RREB1: variants seen among roughly 807,000 people sequenced by gnomAD.
RREB1 encodes ras responsive element binding protein 1.
Under a neutral mutation model 117.8 loss-of-function variants are expected in RREB1, and 27 were observed. The ratio of observed to expected loss-of-function variants is 0.23; its 90% CI spans 0.17 to 0.32. The LOEUF (loss-of-function observed/expected upper bound fraction) is 0.32. RREB1 is among the 10% of genes least tolerant of loss of function. The pLI is 1.00. For synonymous variants in RREB1, 1,298 were observed against 1,026.7 expected, an observed-to-expected ratio of 1.26 and a Z score of -5.05; for missense variants, 2,577 against 2,378.2, an observed-to-expected ratio of 1.08 and a Z score of -1.74.
intron 8 of RREB1, 133 bp from the exon 9 acceptor site, chr6:7,226,334 C>G: frequency 1.5e-6 from 1 of 647,298 alleles, no homozygotes; most frequent in South Asian, 2.4e-5. Context: ...TTCTTGACAT[C>G]ATATCATTTT....
intron 1 of RREB1, among the ~76,000 whole-genome samples, chr6:7,120,177 G>T (rs371878457): frequency 6.6e-6 from 1 of 151,486 alleles, no homozygotes; most frequent in East Asian, 2.0e-4. Context: ...TAGGCCGGGC[G>T]TGGTGGCTCA....
At chr6:7,235,026 A>G (rs1441011427) in intron 10 of RREB1, among the ~76,000 whole-genome samples, 1 of 152,222 alleles carries the variant, frequency 6.6e-6, no homozygotes, top group African/African-American at 2.4e-5. Context: ...TCAGAATGTT[A>G]TTAGCTAATT....
chr6:7,121,043 C>G (rs574832829), intron 1 of RREB1, among the ~76,000 whole-genome samples: 4 of 151,978 alleles, frequency 2.6e-5, no homozygotes, highest in East Asian at 1.9e-4. Flanking sequence ...AGGCTGGTCT[C>G]GAAGTCCCAA....
Position 7,210,779 on chromosome 6 carries a change from TTG to T in RREB1, c.426-15_426-14del, listed in dbSNP as rs751722674. The T allele has an allele frequency of 6.9e-6, 11 of 1,589,302 alleles. No homozygotes were observed. In the South Asian group the frequency reaches 7.9e-5, roughly 11 times the overall value. On this transcript the variant is annotated intron_variant, in intron 6 of 12. Coordinates refer to ENST00000379938, the MANE Select transcript of RREB1 (RefSeq NM_001003699.4). ...GAACTGACTTCTTTGTTAGATCACA[TTG>T]TGTGTGTGTTTGTTCTTTTCAGACA...
chr6:7,179,857 C>T (rs1283040063), intron 2 of RREB1, among the ~76,000 whole-genome samples: 3 of 151,444 alleles, frequency 2.0e-5, no homozygotes, highest in African/African-American at 7.3e-5. Context: ...TGCTGTGTTG[C>T]CTAGGCTGGT....
At chr6:7,228,779 A>G (rs535192942) in intron 9 of RREB1, among the ~76,000 whole-genome samples, 1 of 152,006 alleles carries the variant, frequency 6.6e-6, no homozygotes, top group Non-Finnish European at 1.5e-5. Flanking sequence ...AGTAGCTGGG[A>G]CTAGAGGCAT....
intron 12 of RREB1, 85 bp downstream of exon 12, chr6:7,247,306 G>A: frequency 8.1e-7 from 1 of 1,233,674 alleles, no homozygotes; most frequent in South Asian, 1.5e-5. Context: ...AGCGGCGCTG[G>A]AGGCCACCGA....
chr6:7,131,974 T>G (rs1334176209), intron 1 of RREB1, among the ~76,000 whole-genome samples: 1 of 152,092 alleles, frequency 6.6e-6, no homozygotes, highest in African/African-American at 2.4e-5. Flanking sequence ...TTGTCGTGCC[T>G]CAGCCTCCCA....
intron 10 of RREB1, among the ~76,000 whole-genome samples, chr6:7,236,900 T>TTG (rs1321092168): frequency 7.3e-6 from 1 of 137,340 alleles, no homozygotes; most frequent in Non-Finnish European, 1.6e-5. Context: ...TTTTTTTTTT[T>TTG]TTTTTTTTTT....
At chr6:7,146,796 G>C (rs1762885254) in intron 1 of RREB1, among the ~76,000 whole-genome samples, 1 of 151,400 alleles carries the variant, frequency 6.6e-6, no homozygotes, top group Non-Finnish European at 1.5e-5. Context: ...AGGAGGTGGT[G>C]GGGGAGGGAG....
In RREB1 at chr6:7,188,226, CGTGTGTGTGT is replaced by C. The variant is rs149501678; in HGVS notation, c.261+721_261+730del. On this transcript the variant is annotated intron_variant, in intron 5 of 12. Coordinates refer to ENST00000379938, the MANE Select transcript of RREB1 (RefSeq NM_001003699.4). ...TAAAATAGAATCGCTCCCCCCCACA[CGTGTGTGTGT>C]GTGTGTGTGTGTGTGTGCGCGCGCG... Among the ~76,000 whole-genome samples the C allele has an allele frequency of 1.4e-3, 210 of 149,398 alleles. 1 individual carries two copies. The highest frequency in any genetic ancestry group is 4.9e-3 in the African/African-American group (197 of 40,548).
intron 10 of RREB1, among the ~76,000 whole-genome samples, chr6:7,239,155 C>T (rs188776640): frequency 7.2e-5 from 11 of 152,238 alleles, no homozygotes; most frequent in African/African-American, 1.4e-4. Flanking sequence ...ATTAATCTAA[C>T]GCCAGAGGCC....
chr6:7,174,490 GAAATA>G (rs533044767), intron 1 of RREB1, among the ~76,000 whole-genome samples: 200 of 152,144 alleles, frequency 1.3e-3, no homozygotes, highest in Middle Eastern at 3.4e-3. Context: ...AAAATGAAGG[GAAATA>G]AAATAAAATG....
rs1768775611 is a variant in RREB1 at position 7,242,644 on chromosome 6, C to CG, written c.3973+2042_3973+2043insG. On this transcript the variant is annotated intron_variant, in intron 11 of 12. Transcript: ENST00000379938. ...GGGGTGAAGCCTTCATTCTGGGTTC[C>CG]CCCCCCCCAGTGAAGTTTAAAAAGT... 3.3e-5 allele frequency among the ~76,000 whole-genome samples: 5 copies of CG among 150,276 alleles called. No individual in the cohort carries two copies. The South Asian group carries it at 6.4e-4, about 19-fold the overall frequency.
At chr6:7,110,474 G>A (rs1032647621) in intron 1 of RREB1, among the ~76,000 whole-genome samples, 1 of 149,926 alleles carries the variant, frequency 6.7e-6, no homozygotes, top group African/African-American at 2.5e-5. Flanking sequence ...ACTAATTTTA[G>A]GGGTGGTGTG....
intron 6 of RREB1, among the ~76,000 whole-genome samples, chr6:7,208,218 A>G (rs1172378980): frequency 6.6e-6 from 1 of 152,186 alleles, no homozygotes; most frequent in African/African-American, 2.4e-5. Flanking sequence ...CCACAGCTTG[A>G]GGGAAGGGGT....
At chr6:7,186,382 C>T (rs1469133542) in intron 4 of RREB1, among the ~76,000 whole-genome samples, 1 of 152,234 alleles carries the variant, frequency 6.6e-6, no homozygotes, top group Non-Finnish European at 1.5e-5. Flanking sequence ...TGGGGTTCTA[C>T]TCCCCCAACC....
chr6:7,144,355 T>C (rs1243091759), intron 1 of RREB1, among the ~76,000 whole-genome samples: 1 of 152,212 alleles, frequency 6.6e-6, no homozygotes, highest in East Asian at 1.9e-4. Flanking sequence ...TCAACTATAT[T>C]ATAATGTGAA....
In RREB1 at chr6:7,246,897, G is replaced by A. The variant is rs1236263326; in HGVS notation, c.4447G>A (p.Ala1483Thr). ...GCCCAAGGACGAGAAGGGAGATGGC[G>A]CCAGCACTGCAGAGGAGGGGCCCCA... Reference protein sequence around the residue: ...QEPKDEKGDGASTAEEGPQPA... With the variant: ...QEPKDEKGDGTSTAEEGPQPA... The change falls in exon 12 of 13, where the codon GCC (alanine) becomes ACC (threonine). Residue 1483 changes from alanine (A) to threonine (T), a missense_variant. Coordinates refer to ENST00000379938, the MANE Select transcript of RREB1 (RefSeq NM_001003699.4). 11 of 1,553,374 alleles carry A rather than the reference G, an allele frequency of 7.1e-6. No individual in the cohort carries two copies. Among genetic ancestry groups the A allele is most frequent in the Non-Finnish European group, 9.6e-6 (11 of 1,148,946 alleles).
Sources: allele counts gnomAD v4.1 joint callset (sites outside exome capture counted in the v4.1 genomes callset), GRCh38; gene constraint gnomAD v4.1.1; transcripts MANE v1.5; gene names NCBI Gene and HGNC (gene_info 2026-07-23, HGNC 2026-07-21).